ABCC6: variants seen among roughly 807,000 people sequenced by gnomAD.
ABCC6 encodes the protein ATP-binding cassette sub-family C member 6.
In ABCC6, 126 loss-of-function variants were observed where a neutral mutation model predicts 169.5. The observed-to-expected ratio is 0.74, with a 90% CI of 0.64 to 0.86. ABCC6 has a LOEUF of 0.86. ABCC6 is among the 40% of genes least tolerant of loss of function. The probability of loss-of-function intolerance (pLI) is 0.00; values close to 1 mark genes in which losing one functional copy is unlikely to be tolerated. For missense variants in ABCC6, 1,733 were observed against 1,927.2 expected (o/e 0.90, Z 1.89); for synonymous variants, 752 against 814.7 (o/e 0.92, Z 1.31).
At chr16:16,178,103 ATCACCTGAGG>A (rs2047343895) in intron 18 of ABCC6, among the ~76,000 whole-genome samples, 1 of 152,012 alleles carries the variant, frequency 6.6e-6, no homozygotes, top group Non-Finnish European at 1.5e-5. Context: ...AGGCAGATGG[ATCACCTGAGG>A]TCAGGAGTTC....
intron 7 of ABCC6, among the ~76,000 whole-genome samples, chr16:16,207,347 T>C (rs1391252309): frequency 1.3e-5 from 2 of 152,220 alleles, no homozygotes; most frequent in African/African-American, 4.8e-5. Context: ...GGATTTACTA[T>C]ATGGACGTTA....
At chr16:16,202,689 C>T (rs1430242083) in intron 8 of ABCC6, among the ~76,000 whole-genome samples, 1 of 152,020 alleles carries the variant, frequency 6.6e-6, no homozygotes, top group Non-Finnish European at 1.5e-5. Context: ...AGGACAGAGG[C>T]CTCAGATGGA....
intron 17 of ABCC6, among the ~76,000 whole-genome samples, chr16:16,179,811 G>A (rs1383552588): frequency 1.3e-5 from 2 of 152,112 alleles, no homozygotes; most frequent in African/African-American, 4.8e-5. Context: ...GGCTGGTCTC[G>A]AACTCCTGCC....
Position 16,150,042 on chromosome 16 carries a change from G to A in ABCC6, c.*91C>T. 6.5e-7 allele frequency: 1 copy of A among 1,544,906 alleles called. No homozygotes were observed. ...AACACAGGTCTAGACTCAATATCGT[G>A]TGGAGCTATCGATGACCACGGGTCA... On this transcript the variant is annotated 3_prime_UTR_variant, in exon 31 of 31. Transcript: ENST00000205557.
At chr16:16,212,382 C>G (rs1010005398) in intron 5 of ABCC6, 136 bp from the exon 6 acceptor site, 14 of 642,020 alleles carry the variant, frequency 2.2e-5, no homozygotes, top group Non-Finnish European at 3.8e-5. Context: ...GATCTTGGCT[C>G]ACTACTACCT....
chr16:16,197,951 G>T (rs2048105737), intron 10 of ABCC6, 70 bp downstream of exon 10: 1 of 1,489,894 alleles, frequency 6.7e-7, no homozygotes, highest in Non-Finnish European at 9.1e-7. Flanking sequence ...GGGTGGGAGG[G>T]GGAAGGAGGA....
intron 21 of ABCC6, among the ~76,000 whole-genome samples, chr16:16,172,023 A>C (rs2047100886): frequency 7.2e-6 from 1 of 139,462 alleles, no homozygotes; most frequent in Non-Finnish European, 1.5e-5. Context: ...GGATGGATAA[A>C]TGAGTAGGTG....
chr16:16,189,071 C>T, intron 12 of ABCC6, 97 bp from the exon 13 acceptor site: 1 of 1,405,542 alleles, frequency 7.1e-7, no homozygotes, highest in Non-Finnish European at 9.9e-7. Flanking sequence ...TCCATGTGGC[C>T]CACCCGCCAT....
At chr16:16,196,209 C>G in intron 10 of ABCC6, among the ~76,000 whole-genome samples, 1 of 131,636 alleles carries the variant, frequency 7.6e-6, no homozygotes, top group Non-Finnish European at 1.6e-5. Flanking sequence ...GACTCTGTCT[C>G]AAAAAAAAAA....
Position 16,192,870 on chromosome 16 carries a change from G to C in ABCC6, c.1391C>G (p.Pro464Arg), listed in dbSNP as rs1397157995. The stretch of plus-strand genomic sequence containing the variant: ...TTTCTTGGAGATGAAGAAATTCAGA[G>C]GGAGGAGGCTCAGGAAGACAGCGAT... ...TAIAVFLSLL[P>R]LNFFISKKRN... Residue 464 changes from proline to arginine, a missense_variant, in exon 11 of 31, where the codon CCT becomes CGT. Transcript: ENST00000205557. The C allele has an allele frequency of 6.2e-7, 1 of 1,614,050 alleles. No individual in the cohort carries two copies. The highest frequency in any genetic ancestry group is 1.3e-5 in the African/African-American group (1 of 74,916).
chr16:16,161,417 G>A lies in ABCC6; in HGVS notation c.3633+21C>T, dbSNP rs145287071. 7 of 1,613,642 alleles carry A rather than the reference G, an allele frequency of 4.3e-6. No individual in the cohort carries two copies. In the Admixed American group the frequency reaches 1.0e-4, roughly 23 times the overall value. ...TGCCTCTGTCTGTCCCTCAAGCCCA[G>A]TTTGGGGATGTGGGGAGTACCTGGA... On this transcript the variant is annotated intron_variant, in intron 25 of 30. Coordinates refer to ENST00000205557, the MANE Select transcript of ABCC6 (RefSeq NM_001171.6).
At chr16:16,168,719 A>T (rs4781733) in intron 22 of ABCC6, among the ~76,000 whole-genome samples, 48,999 of 151,706 alleles carry the variant, frequency 0.32, 8,242 homozygotes, top group Non-Finnish European at 0.38. Context: ...GAGACTGAAC[A>T]GGGGATACGA....
At chr16:16,198,284 G>T in intron 9 of ABCC6, 102 bp from the exon 10 acceptor site, 1 of 1,290,368 alleles carries the variant, frequency 7.7e-7, no homozygotes. Flanking sequence ...ACACGTCTGC[G>T]AGGTGGGTGA....
rs534017491 is a variant in ABCC6, at chr16:16,154,660, C to G, written c.4176G>C (p.Gln1392His). 6.2e-7 allele frequency: 1 copy of G among 1,612,928 alleles called. No homozygotes were observed. The highest frequency in any genetic ancestry group is 8.5e-7 in the Non-Finnish European group (1 of 1,179,992). Residue 1392 changes from glutamine (Q) to histidine (H), a missense_variant, in exon 29 of 31, where the codon CAG (glutamine) becomes CAC (histidine). This residue lies in a region of ABCC6 where 1,601 missense variants were observed against 1,635.5 expected (regional missense o/e 0.98). Coordinates refer to ENST00000205557, the MANE Select transcript of ABCC6 (RefSeq NM_001171.6). Reference sequence around the variant, plus strand: ...CCTCGCCTCGGTCAGCACACTTGTACTGCAGCTGGCCGGGCAGGCTGGCCA... The same window carrying G: ...CCTCGCCTCGGTCAGCACACTTGTAGTGCAGCTGGCCGGGCAGGCTGGCCA... ...ALVASLPGQL[Q>H]YKCADRGEDL...
Position 16,154,900 on chromosome 16 carries a change from C to T in ABCC6, c.4014G>A (p.Leu1338=). 1.9e-6 allele frequency: 3 copies of T among 1,611,826 alleles called. No homozygotes were observed. Among genetic ancestry groups the T allele is most frequent in the Non-Finnish European group, 2.5e-6 (3 of 1,179,142 alleles). ...GGGGGATGATGCTGATCCTGGAGCG[C>T]AGTGTGTGCAGCCCCACGTGGGCAA... ...VPIAHVGLHT[L]RSRISIIPQD... is the part of the protein sequence containing the mutation. The change falls in exon 28 of 31, where the codon CTG becomes CTA. Residue 1338 remains leucine (L), a synonymous_variant. Coordinates refer to ENST00000205557, the MANE Select transcript of ABCC6 (RefSeq NM_001171.6).
intron 10 of ABCC6, among the ~76,000 whole-genome samples, chr16:16,197,376 CAAT>C (rs2152277398): frequency 6.7e-6 from 1 of 149,852 alleles, no homozygotes; most frequent in African/African-American, 2.5e-5. Flanking sequence ...TCGTATCAGA[CAAT>C]AGTAGGCAAA....
intron 22 of ABCC6, among the ~76,000 whole-genome samples, chr16:16,168,081 G>A (rs1466775937): frequency 1.3e-5 from 2 of 152,210 alleles, no homozygotes; most frequent in African/African-American, 2.4e-5. Flanking sequence ...TCAAGTTCAG[G>A]CCTGGCGCCC....
chr16:16,205,551 G>T lies in ABCC6; in HGVS notation c.795-1938C>A, dbSNP rs550743926. ...GGTTTGGCATCTATGGAGGGTTGTG[G>T]TTCAGCTCTGTTACTGAGTGGGTGT... On this transcript the variant is annotated intron_variant, in intron 7 of 30. Coordinates refer to ENST00000205557, the MANE Select transcript of ABCC6 (RefSeq NM_001171.6). 2.7e-3 allele frequency among the ~76,000 whole-genome samples: 414 copies of T among 152,194 alleles called. 3 individuals carry two copies. The highest frequency in any genetic ancestry group is 9.7e-3 in the African/African-American group (403 of 41,516).
At chr16:16,190,112 C>T (rs1000888314) in intron 12 of ABCC6, 52 bp downstream of exon 12, 11 of 1,600,396 alleles carry the variant, frequency 6.9e-6, no homozygotes, top group Non-Finnish European at 9.4e-6. Flanking sequence ...CTGCCCCCAC[C>T]CCCGCACTCC....
Sources: allele counts gnomAD v4.1 joint callset (sites outside exome capture counted in the v4.1 genomes callset), GRCh38; gene constraint gnomAD v4.1.1; regional missense constraint gnomAD v4.1.1; transcripts MANE v1.5; gene names NCBI Gene and HGNC (gene_info 2026-07-23, HGNC 2026-07-21).